CCSER1: variants seen among roughly 807,000 people sequenced by gnomAD.
CCSER1 encodes the protein coiled-coil serine rich protein 1, also known as serine-rich coiled-coil domain-containing protein 1.
CCSER1 carries 41 observed loss-of-function variants against 82.0 expected under a neutral mutation model. The observed-to-expected ratio is 0.50, with a 90% CI of 0.39 to 0.65. The LOEUF is 0.65. CCSER1 is among the 30% of genes least tolerant of loss of function. The probability of loss-of-function intolerance (pLI) is 0.00; values close to 1 mark genes in which losing one functional copy is unlikely to be tolerated. For synonymous variants in CCSER1, 414 were observed against 383.9 expected, an observed-to-expected ratio of 1.08 and a Z score of -0.92; for missense variants, 1,119 against 1,064.2, an observed-to-expected ratio of 1.05 and a Z score of -0.72.
intron 1 of CCSER1, among the ~76,000 whole-genome samples, chr4:90,258,523 C>T (rs1366894493): frequency 6.6e-6 from 1 of 151,038 alleles, no homozygotes; most frequent in African/African-American, 2.5e-5. Flanking sequence ...AACAAACAAA[C>T]AAAAATATCA....
intron 10 of CCSER1, among the ~76,000 whole-genome samples, chr4:91,532,609 C>G (rs978294120): frequency 3.9e-5 from 6 of 152,060 alleles, no homozygotes; most frequent in Non-Finnish European, 8.8e-5. Context: ...TTACACTTTC[C>G]TACTGGGCGT....
Position 90,718,243 on chromosome 4 carries a change from G to T in CCSER1, c.1933-5671G>T, listed in dbSNP as rs1439545437. Among the ~76,000 whole-genome samples the T allele has an allele frequency of 2.6e-5, 4 of 151,968 alleles. No individual in the cohort carries two copies. In the South Asian group the frequency reaches 8.3e-4, roughly 32 times the overall value. The stretch of plus-strand genomic sequence containing the variant: ...TTATTAGGTCTAGAGGATCATTATA[G>T]AATTTACCCTAATGGCTTAAAAAAG... On this transcript the variant is annotated intron_variant, in intron 6 of 10. Transcript: ENST00000509176.
In CCSER1 at chr4:91,021,264, G is replaced by T. The variant is rs1467411482; in HGVS notation, c.2173-64686G>T. Among the ~76,000 whole-genome samples the T allele has an allele frequency of 2.0e-5, 3 of 151,976 alleles. No individual in the cohort carries two copies. In the East Asian group the frequency reaches 5.8e-4, roughly 29 times the overall value. On this transcript the variant is annotated intron_variant, in intron 9 of 10. Coordinates refer to ENST00000509176, the MANE Select transcript of CCSER1 (RefSeq NM_001145065.2). ...TATTAGAAGGAAAGGGAGATATTGT[G>T]CCAAGAGTCTGAAATGATACTTTCC...
At chr4:91,580,418 T>A (rs563710911) in intron 10 of CCSER1, among the ~76,000 whole-genome samples, 1 of 151,512 alleles carries the variant, frequency 6.6e-6, no homozygotes, top group African/African-American at 2.4e-5. Context: ...AACAATAATT[T>A]TTTTTTGGCT....
At chr4:91,081,662 C>A (rs1371076977) in intron 9 of CCSER1, among the ~76,000 whole-genome samples, 2 of 152,262 alleles carry the variant, frequency 1.3e-5, no homozygotes, top group East Asian at 3.9e-4. Flanking sequence ...ATTTAGAAAA[C>A]CCCATCATCT....
intron 1 of CCSER1, among the ~76,000 whole-genome samples, chr4:90,296,106 CA>C (rs1731845626): frequency 6.6e-6 from 1 of 152,012 alleles, no homozygotes. Flanking sequence ...CACCGCTCAA[CA>C]AATTTATCAA....
chr4:90,275,000 T>G lies in CCSER1; in HGVS notation c.-41-33244T>G, dbSNP rs1727273442. The stretch of plus-strand genomic sequence containing the variant: ...AGCACTAAAAATGGGAAATTGGTAA[T>G]CACTTTCTATGAGCAAATGAAATTA... On this transcript the variant is annotated intron_variant, in intron 1 of 10. Coordinates refer to ENST00000509176, the MANE Select transcript of CCSER1 (RefSeq NM_001145065.2). Among the ~76,000 whole-genome samples, 3 of 152,276 alleles carry G rather than the reference T, an allele frequency of 2.0e-5. No individual in the cohort carries two copies. In the South Asian group the frequency reaches 6.2e-4, roughly 32 times the overall value.
chr4:91,213,657 G>A (rs1737015441), intron 10 of CCSER1, among the ~76,000 whole-genome samples: 1 of 152,098 alleles, frequency 6.6e-6, no homozygotes, highest in African/African-American at 2.4e-5. Context: ...CAAAATCAAA[G>A]AAGTATAAAA....
chr4:91,527,848 T>TA (rs1275549807), intron 10 of CCSER1, among the ~76,000 whole-genome samples: 2 of 152,174 alleles, frequency 1.3e-5, no homozygotes, highest in African/African-American at 4.8e-5. Flanking sequence ...TACAGACATG[T>TA]AAATCTAGAA....
intron 10 of CCSER1, among the ~76,000 whole-genome samples, chr4:91,173,135 A>G (rs1404014317): frequency 6.6e-6 from 1 of 152,172 alleles, no homozygotes; most frequent in Non-Finnish European, 1.5e-5. Flanking sequence ...ACTTTTGACT[A>G]TGTTTAAGAG....
intron 10 of CCSER1, among the ~76,000 whole-genome samples, chr4:91,416,539 A>C (rs1753373792): frequency 1.3e-5 from 2 of 152,272 alleles, no homozygotes; most frequent in South Asian, 4.1e-4. Context: ...GAGAAAACAG[A>C]AATAAGACTG....
At chr4:90,670,847 C>T (rs1732666766) in intron 6 of CCSER1, among the ~76,000 whole-genome samples, 1 of 151,902 alleles carries the variant, frequency 6.6e-6, no homozygotes, top group Non-Finnish European at 1.5e-5. Context: ...AGGTCAAAAT[C>T]TCTGGGGGCA....
At chr4:90,777,460 A>G (rs545958814) in intron 7 of CCSER1, among the ~76,000 whole-genome samples, 5 of 151,644 alleles carry the variant, frequency 3.3e-5, no homozygotes, top group Non-Finnish European at 7.4e-5. Context: ...TCTTCTGATC[A>G]TCAATTATTA....
At chr4:90,948,879 AC>A (rs1732575934) in intron 9 of CCSER1, among the ~76,000 whole-genome samples, 1 of 151,910 alleles carries the variant, frequency 6.6e-6, no homozygotes, top group Non-Finnish European at 1.5e-5. Flanking sequence ...TAGGCTATGA[AC>A]CATATAATAC....
At chr4:90,171,639 G>C (rs542772816) in intron 1 of CCSER1, among the ~76,000 whole-genome samples, 1 of 152,034 alleles carries the variant, frequency 6.6e-6, no homozygotes, top group East Asian at 1.9e-4. Flanking sequence ...ATTACAGTCT[G>C]TGGGGATTAG....
chr4:90,503,577 A>G (rs1168939883), intron 5 of CCSER1, among the ~76,000 whole-genome samples: 1 of 151,940 alleles, frequency 6.6e-6, no homozygotes, highest in African/African-American at 2.4e-5. Context: ...TCAACCCCAT[A>G]ACAGGCCCCA....
chr4:90,963,894 T>G (rs567371575), intron 9 of CCSER1, among the ~76,000 whole-genome samples: 8 of 151,968 alleles, frequency 5.3e-5, no homozygotes, highest in African/African-American at 1.7e-4. Flanking sequence ...AAGTTAGGAG[T>G]TGTCAAATAT....
intron 10 of CCSER1, among the ~76,000 whole-genome samples, chr4:91,547,626 T>C (rs1389042493): frequency 6.6e-6 from 1 of 152,210 alleles, no homozygotes; most frequent in African/African-American, 2.4e-5. Context: ...TTATGATCCA[T>C]TCTGACAATC....
intron 4 of CCSER1, among the ~76,000 whole-genome samples, chr4:90,449,701 C>T (rs1330914513): frequency 6.6e-6 from 1 of 152,242 alleles, no homozygotes; most frequent in East Asian, 1.9e-4. Flanking sequence ...AGTTGTCAGG[C>T]TTGGCAACAA....
Sources: allele counts gnomAD v4.1 joint callset (sites outside exome capture counted in the v4.1 genomes callset), GRCh38; gene constraint gnomAD v4.1.1; transcripts MANE v1.5; gene names NCBI Gene and HGNC (gene_info 2026-07-23, HGNC 2026-07-21).